Variants in NRG1 observed in about 807,000 individuals in gnomAD.
NRG1 encodes the protein pro-neuregulin-1, membrane-bound isoform.
A neutral mutation model predicts 63.8 loss-of-function variants in NRG1; 18 were observed. The observed-to-expected ratio is 0.28, with a 90% CI of 0.19 to 0.42. The LOEUF is 0.42. NRG1 is among the 10% of genes least tolerant of loss of function. The pLI is 1.00. For missense variants in NRG1, 762 were observed against 814.7 expected (o/e 0.94, Z 0.79); for synonymous variants, 302 against 301.3 (o/e 1.00, Z -0.02).
intron 1 of NRG1, among the ~76,000 whole-genome samples, chr8:31,917,953 A>G (rs1254748222): frequency 6.6e-6 from 1 of 151,976 alleles, no homozygotes; most frequent in Non-Finnish European, 1.5e-5. Context: ...TAGGTATTTT[A>G]TTTTCTCTGA....
chr8:31,784,591 G>A (rs993307828), intron 1 of NRG1, among the ~76,000 whole-genome samples: 3 of 152,130 alleles, frequency 2.0e-5, no homozygotes, highest in African/African-American at 2.4e-5. Flanking sequence ...AAACAATAAC[G>A]TAACAACAGA....
intron 1 of NRG1, among the ~76,000 whole-genome samples, chr8:32,352,628 C>G (rs531351197): frequency 6.6e-6 from 1 of 152,020 alleles, no homozygotes; most frequent in South Asian, 2.1e-4. Context: ...CACCTGTACT[C>G]CCAGCACTTT....
intron 5 of NRG1, among the ~76,000 whole-genome samples, chr8:32,700,043 C>T (rs1027602566): frequency 2.0e-5 from 3 of 152,094 alleles, no homozygotes; most frequent in African/African-American, 7.2e-5. Context: ...ATATTTTCCT[C>T]ATTCCAAAAA....
chr8:31,859,755 T>A (rs555313609), intron 1 of NRG1, among the ~76,000 whole-genome samples: 1 of 152,382 alleles, frequency 6.6e-6, no homozygotes, highest in East Asian at 1.9e-4. Flanking sequence ...TCTTGTTCTA[T>A]CTTTCAGCAA....
intron 1 of NRG1, among the ~76,000 whole-genome samples, chr8:31,958,526 CA>C (rs1438189967): frequency 3.9e-5 from 6 of 152,100 alleles, no homozygotes; most frequent in Non-Finnish European, 5.9e-5. Flanking sequence ...CAAAGACCAG[CA>C]TAAACTTTTG....
chr8:31,800,716 T>G (rs1821683327), intron 1 of NRG1, among the ~76,000 whole-genome samples: 1 of 152,078 alleles, frequency 6.6e-6, no homozygotes, highest in Non-Finnish European at 1.5e-5. Context: ...AATTTCTTAT[T>G]CTGGAAAGTT....
At chr8:31,811,017 C>A (rs555663345) in intron 1 of NRG1, among the ~76,000 whole-genome samples, 26 of 152,296 alleles carry the variant, frequency 1.7e-4, no homozygotes, top group African/African-American at 6.0e-4. Context: ...GCCTCTCTCT[C>A]TATAGTTTGG....
intron 1 of NRG1, among the ~76,000 whole-genome samples, chr8:32,050,045 A>G (rs902357116): frequency 7.9e-5 from 12 of 152,170 alleles, no homozygotes; most frequent in African/African-American, 2.4e-4. Flanking sequence ...GATTATGAAG[A>G]GCCTCCTTAT....
intron 1 of NRG1, among the ~76,000 whole-genome samples, chr8:32,322,580 C>A (rs1425758226): frequency 6.6e-6 from 1 of 152,056 alleles, no homozygotes. Context: ...TGGCTTCAGG[C>A]ATGAAGGACT....
chr8:32,209,953 G>A (rs533537408), intron 1 of NRG1, among the ~76,000 whole-genome samples: 1 of 152,200 alleles, frequency 6.6e-6, no homozygotes, highest in South Asian at 2.1e-4. Flanking sequence ...GTTTGGAAAG[G>A]ATTGAGTCCT....
chr8:32,032,705 T>G (rs2130502553), intron 1 of NRG1, among the ~76,000 whole-genome samples: 1 of 152,312 alleles, frequency 6.6e-6, no homozygotes, highest in Non-Finnish European at 1.5e-5. Flanking sequence ...TTGAAAAAAT[T>G]TTCTCCCACT....
chr8:32,265,737 G>A (rs1347826399), intron 1 of NRG1, among the ~76,000 whole-genome samples: 2 of 151,978 alleles, frequency 1.3e-5, no homozygotes, highest in East Asian at 3.9e-4. Flanking sequence ...CAGCTACTGG[G>A]GAGGCTGAGA....
At chr8:31,772,487 T>C (rs1175072611) in intron 1 of NRG1, among the ~76,000 whole-genome samples, 4 of 152,338 alleles carry the variant, frequency 2.6e-5, no homozygotes, top group Middle Eastern at 3.4e-3. Flanking sequence ...TCAACAATCC[T>C]TCCATCTCCT....
intron 5 of NRG1, among the ~76,000 whole-genome samples, chr8:32,723,425 T>A (rs1228929705): frequency 6.6e-6 from 1 of 151,920 alleles, no homozygotes; most frequent in Non-Finnish European, 1.5e-5. Context: ...CTCACGCCTG[T>A]AATCCCAGCA....
intron 1 of NRG1, among the ~76,000 whole-genome samples, chr8:32,223,643 T>A (rs932089331): frequency 1.3e-5 from 2 of 152,170 alleles, no homozygotes; most frequent in African/African-American, 4.8e-5. Flanking sequence ...TTTTTGCACC[T>A]CCTCAGCAGT....
At chr8:31,950,936 TG>T (rs1189441980) in intron 1 of NRG1, among the ~76,000 whole-genome samples, 2 of 152,336 alleles carry the variant, frequency 1.3e-5, no homozygotes, top group East Asian at 3.9e-4. Flanking sequence ...CTTTCCAAAC[TG>T]ACTTGTATTG....
At chr8:31,926,274 G>A (rs1020005091) in intron 1 of NRG1, among the ~76,000 whole-genome samples, 146 of 151,896 alleles carry the variant, frequency 9.6e-4, no homozygotes, top group Non-Finnish European at 2.9e-5. Context: ...TCCAGTTTTT[G>A]TCTTTCAGTT....
intron 1 of NRG1, among the ~76,000 whole-genome samples, chr8:32,353,824 CT>C (rs1805971939): frequency 1.3e-5 from 2 of 152,152 alleles, no homozygotes; most frequent in Non-Finnish European, 1.5e-5. Context: ...TGGGTATTTA[CT>C]CAAGAGAAAT....
intron 1 of NRG1, among the ~76,000 whole-genome samples, chr8:32,337,653 C>CAAAAAAAAAAAAAAAAGAAAAAA (rs1803458714): frequency 4.0e-5 from 1 of 24,704 alleles, no homozygotes. Context: ...AGAGTTATTG[C>CAAAAAAAAAAAAAAAAGAAAAAA]AAAAAAAAAA....
Sources: allele counts gnomAD v4.1 joint callset (sites outside exome capture counted in the v4.1 genomes callset), GRCh38; gene constraint gnomAD v4.1.1; transcripts MANE v1.5; gene names NCBI Gene and HGNC (gene_info 2026-07-23, HGNC 2026-07-21).